NAA25: variants seen among roughly 807,000 people sequenced by gnomAD.
The protein encoded by NAA25 is N-alpha-acetyltransferase 25, NatB auxiliary subunit, also known as N-terminal acetyltransferase B complex subunit NAA25.
A neutral mutation model predicts 132.5 loss-of-function variants in NAA25; 30 were observed. That is an observed-to-expected ratio of 0.23 (90% CI 0.17 to 0.31). The LOEUF (loss-of-function observed/expected upper bound fraction) is 0.31. Ranked by LOEUF, NAA25 falls within the 10% of genes least tolerant of loss-of-function variation. The pLI, the probability that NAA25 is intolerant of heterozygous loss-of-function variation, is 1.00. For missense variants in NAA25, 771 were observed against 1,150.4 expected (o/e 0.67, Z 4.77); for synonymous variants, 359 against 401.9 (o/e 0.89, Z 1.28).
Position 112,026,790 on chromosome 12 carries a change from T to A in NAA25, c.*2741A>T, listed in dbSNP as rs934588073. 6.6e-6 allele frequency: 1 copy of A among 152,208 alleles called. No homozygotes were observed. The highest frequency in any genetic ancestry group is 1.5e-5 in the Non-Finnish European group (1 of 68,028). 9.4% of individuals were successfully genotyped at this position (152,208 alleles called of 1,614,324 possible). On this transcript the variant is annotated 3_prime_UTR_variant, in exon 24 of 24. Transcript: ENST00000261745. The stretch of plus-strand genomic sequence containing the variant: ...AAGGAAGAATATATACTTCCTATAT[T>A]AATAAATCACATCAAATAAGTAGGA...
At chr12:112,073,731 C>G (rs182831937) in intron 9 of NAA25, among the ~76,000 whole-genome samples, 42 of 152,136 alleles carry the variant, frequency 2.8e-4, no homozygotes, top group Admixed American at 2.1e-3. Context: ...CTGTGCCCGG[C>G]CCCATTTATT....
rs11066132 is a variant in NAA25 at position 112,030,402 on chromosome 12, C to T, written c.2797-749G>A. Among the ~76,000 whole-genome samples, 1,200 of 152,084 alleles carry T rather than the reference C, an allele frequency of 7.9e-3. 140 individuals carry two copies. In the East Asian group the frequency reaches 0.23, roughly 29 times the overall value. On this transcript the variant is annotated intron_variant, in intron 23 of 23. Transcript: ENST00000261745. ...ATCAGAAAAAAGTAGAAATTTATTA[C>T]TAATTTGTACATCATCATAGCCACT... is the stretch of plus-strand genomic sequence containing the variant.
chr12:112,070,422 CA>C (rs1442706479), intron 10 of NAA25, among the ~76,000 whole-genome samples: 1 of 152,112 alleles, frequency 6.6e-6, no homozygotes, highest in Non-Finnish European at 1.5e-5. Flanking sequence ...TTGCTAATTC[CA>C]CCAAATATTC....
intron 20 of NAA25, 70 bp downstream of exon 20, chr12:112,041,969 G>A: frequency 2.2e-6 from 2 of 918,384 alleles, no homozygotes; most frequent in South Asian, 1.7e-5. Context: ...TTGGGAATAG[G>A]GGAAAGAACT....
chr12:112,050,134 G>T (rs2078441987), intron 15 of NAA25, among the ~76,000 whole-genome samples: 1 of 151,784 alleles, frequency 6.6e-6, no homozygotes, highest in African/African-American at 2.4e-5. Flanking sequence ...AACTAAGAAG[G>T]TAGTCACAGT....
chr12:112,092,651 CTAAAGAGATT>C (rs969792464), intron 2 of NAA25, among the ~76,000 whole-genome samples: 1 of 151,608 alleles, frequency 6.6e-6, no homozygotes, highest in Non-Finnish European at 1.5e-5. Flanking sequence ...CTAATAGTCA[CTAAAGAGATT>C]TAACATCCTT....
Position 112,087,678 on chromosome 12 carries a change from A to C in NAA25, c.402+5T>G. The C allele has an allele frequency of 6.2e-7, 1 of 1,603,858 alleles. No individual in the cohort carries two copies. Among genetic ancestry groups the C allele is most frequent in the South Asian group, 1.1e-5 (1 of 90,492 alleles). On this transcript the variant is annotated splice_donor_5th_base_variant and intron_variant, in intron 4 of 23. Transcript: ENST00000261745. Reference sequence around the variant, plus strand: ...ATAGCCCAGTAGGTTTGGGGATCAAATTACCTGTTGCATTTTCTTGTATTC... The same window carrying C: ...ATAGCCCAGTAGGTTTGGGGATCAACTTACCTGTTGCATTTTCTTGTATTC...
rs182854627 is a variant in NAA25 at position 112,102,305 on chromosome 12, C to G, written c.58+6411G>C. Reference sequence around the variant, plus strand: ...GGAGGATCACTTGAGCTCAGGAGGTCGAAGCTGCAGTGAGCCATGTTCACA... The same window carrying G: ...GGAGGATCACTTGAGCTCAGGAGGTGGAAGCTGCAGTGAGCCATGTTCACA... On this transcript the variant is annotated intron_variant, in intron 1 of 23. Transcript: ENST00000261745. Among the ~76,000 whole-genome samples the G allele has an allele frequency of 3.8e-3, 574 of 151,982 alleles. 4 individuals carry two copies. Among genetic ancestry groups the G allele is most frequent in the African/African-American group, 0.013 (529 of 41,476 alleles).
At chr12:112,087,601 C>T in intron 4 of NAA25, 82 bp downstream of exon 4, 1 of 886,734 alleles carries the variant, frequency 1.1e-6, no homozygotes, top group Middle Eastern at 2.2e-4. Flanking sequence ...ACACACATAC[C>T]CAGTGCAGTT....
chr12:112,087,370 C>G (rs1287301094), intron 4 of NAA25, among the ~76,000 whole-genome samples: 1 of 152,154 alleles, frequency 6.6e-6, no homozygotes, highest in Non-Finnish European at 1.5e-5. Flanking sequence ...TCTGGTATAT[C>G]TGCTCATTTT....
chr12:112,093,566 TAATAATAAAACAA>T (rs1228508676), intron 1 of NAA25, among the ~76,000 whole-genome samples: 2 of 150,684 alleles, frequency 1.3e-5, no homozygotes, highest in Non-Finnish European at 3.0e-5. Flanking sequence ...CACAAAATAA[TAATAATAAAACAA>T]AATAATAAAA....
chr12:112,057,123 G>A (rs933626298), intron 13 of NAA25, among the ~76,000 whole-genome samples: 13 of 152,188 alleles, frequency 8.5e-5, no homozygotes, highest in African/African-American at 2.7e-4. Context: ...GGGACGCAGA[G>A]GTTGCAGTGA....
At chr12:112,055,185 T>C (rs1414808549) in intron 13 of NAA25, among the ~76,000 whole-genome samples, 1 of 152,188 alleles carries the variant, frequency 6.6e-6, no homozygotes, top group East Asian at 1.9e-4. Flanking sequence ...TCGTACTATC[T>C]AGTGATGTAA....
At chr12:112,085,878 T>A (rs1233045907) in intron 4 of NAA25, among the ~76,000 whole-genome samples, 4 of 148,164 alleles carry the variant, frequency 2.7e-5, no homozygotes, top group Non-Finnish European at 4.5e-5. Flanking sequence ...ATTAGCCGGG[T>A]GTGGTGACAT....
intron 7 of NAA25, among the ~76,000 whole-genome samples, chr12:112,076,697 TA>T (rs1158237412): frequency 2.3e-3 from 323 of 143,066 alleles, no homozygotes; most frequent in Non-Finnish European, 2.0e-3. Context: ...TAATGTAGTT[TA>T]AAAAAAAAAA....
In NAA25 at chr12:112,029,553, G is replaced by T; in HGVS notation, c.2897C>A (p.Thr966Asn). 6.2e-7 allele frequency: 1 copy of T among 1,613,978 alleles called. No homozygotes were observed. The highest frequency in any genetic ancestry group is 1.7e-5 in the Admixed American group (1 of 60,014). Residue 966 changes from threonine (T) to asparagine (N), a missense_variant, in exon 24 of 24, where the codon ACC becomes AAC. This residue lies in a region of NAA25 where 324 missense variants were observed against 400.0 expected (regional missense o/e 0.81). Transcript: ENST00000261745. Reference sequence around the variant, plus strand: ...TCCTTAAATTTTTAGTTTCTTTGTGGTCTCAAGTCTTTTTTTCAGCAGCTC... The same window carrying T: ...TCCTTAAATTTTTAGTTTCTTTGTGTTCTCAAGTCTTTTTTTCAGCAGCTC... Reference protein sequence around the residue: ...MGELLKKRLETTKKLKI With the variant: ...MGELLKKRLENTKKLKI
At chr12:112,084,457 T>C (rs762985650) in intron 4 of NAA25, among the ~76,000 whole-genome samples, 6 of 152,182 alleles carry the variant, frequency 3.9e-5, no homozygotes, top group African/African-American at 4.8e-5. Flanking sequence ...AGCTAAGAAA[T>C]TGTAACTTCC....
In NAA25 at chr12:112,093,537, C is replaced by A. The variant is rs569969906; in HGVS notation, c.59-401G>T. On this transcript the variant is annotated intron_variant, in intron 1 of 23. Coordinates refer to ENST00000261745, the MANE Select transcript of NAA25 (RefSeq NM_024953.4). Reference sequence around the variant, plus strand: ...GCCTGGGCAAAACAGTGACACCCTGCCTCAGAAAAAAGTAATAACACAAAA... The same window carrying A: ...GCCTGGGCAAAACAGTGACACCCTGACTCAGAAAAAAGTAATAACACAAAA... 1.3e-5 allele frequency among the ~76,000 whole-genome samples: 2 copies of A among 151,060 alleles called. 1 individual carries two copies. The highest frequency in any genetic ancestry group is 4.2e-4 in the South Asian group (2 of 4,782).
intron 6 of NAA25, 92 bp downstream of exon 6, chr12:112,078,542 C>T: frequency 8.3e-7 from 1 of 1,203,546 alleles, no homozygotes; most frequent in Non-Finnish European, 1.2e-6. Flanking sequence ...AGCTATCAAA[C>T]TGGAACAAAA....
Sources: gnomAD v4.1 joint callset for allele counts (sites outside exome capture counted in the v4.1 genomes callset) on GRCh38, gnomAD v4.1.1 for gene constraint, gnomAD v4.1.1 regional missense constraint, MANE v1.5 for transcripts, NCBI Gene and HGNC (gene_info 2026-07-23, HGNC 2026-07-21) for gene names.